The following CLRN2 variants were observed in gnomAD, a reference collection of about 807,000 sequenced individuals.
CLRN2 encodes clarin 2.
CLRN2 carries 17 observed loss-of-function variants against 20.1 expected under a neutral mutation model. The observed-to-expected ratio is 0.85, with a 90% CI of 0.58 to 1.27. The LOEUF (loss-of-function observed/expected upper bound fraction) is 1.27, where lower values mean the gene tolerates loss of function less well. Ranked by LOEUF, CLRN2 falls within the 50% of genes most tolerant of loss-of-function variation. The pLI is 0.00. For synonymous variants in CLRN2, 140 were observed against 126.9 expected, an observed-to-expected ratio of 1.10 and a Z score of -0.70; for missense variants, 288 against 299.5, an observed-to-expected ratio of 0.96 and a Z score of 0.28.
intron 1 of CLRN2, among the ~76,000 whole-genome samples, chr4:17,520,193 C>T (rs1711802233): frequency 6.6e-6 from 1 of 152,152 alleles, no homozygotes; most frequent in Non-Finnish European, 1.5e-5. Context: ...GCACTCTTTA[C>T]CACCCTCTCC....
chr4:17,524,804 T>A (rs1711937858), intron 2 of CLRN2, among the ~76,000 whole-genome samples: 1 of 151,612 alleles, frequency 6.6e-6, no homozygotes, highest in Admixed American at 6.6e-5. Flanking sequence ...GCCTGTAGTC[T>A]CAGCTGCTTG....
intron 1 of CLRN2, among the ~76,000 whole-genome samples, chr4:17,517,417 A>G (rs1258090147): frequency 1.3e-5 from 2 of 152,202 alleles, no homozygotes; most frequent in Non-Finnish European, 2.9e-5. Flanking sequence ...CTGAACCCCA[A>G]CAGGTAAATC....
At chr4:17,524,407 A>G (rs1002776181) in intron 2 of CLRN2, among the ~76,000 whole-genome samples, 3 of 152,200 alleles carry the variant, frequency 2.0e-5, no homozygotes, top group Non-Finnish European at 4.4e-5. Flanking sequence ...ATCCCTCGCT[A>G]TGATTACCTT....
Position 17,526,825 on chromosome 4 carries a change from G to T in CLRN2, c.442G>T (p.Val148Leu), listed in dbSNP as rs775419982. The T allele has an allele frequency of 6.2e-7, 1 of 1,613,816 alleles. No homozygotes were observed. Among genetic ancestry groups the T allele is most frequent in the African/African-American group, 1.3e-5 (1 of 74,946 alleles). ...ACCTTTTTGAGTTTCAGGCGGCGTCGTGGCGTTAGCCATCGCCAGCTTCGT... is the reference window on the plus strand; with the variant it reads ...ACCTTTTTGAGTTTCAGGCGGCGTCTTGGCGTTAGCCATCGCCAGCTTCGT... ...CLWNVLAGGV[V>L]ALAIASFVAA... Residue 148 changes from valine to leucine, a missense_variant, in exon 3 of 3, where the codon GTG becomes TTG. Transcript: ENST00000511148.
rs186409141 is a variant in CLRN2, at chr4:17,521,887, A to T, written c.254-977A>T. On this transcript the variant is annotated intron_variant, in intron 1 of 2. Transcript: ENST00000511148. The stretch of plus-strand genomic sequence containing the variant: ...GATAAAAAGGTGTGGGTTTTCAAGG[A>T]ACTCAGAAGATGCGTGTGACCCCCT... 1.3e-4 allele frequency among the ~76,000 whole-genome samples: 20 copies of T among 152,200 alleles called. 1 individual carries two copies. The highest frequency in any genetic ancestry group is 7.9e-4 in the Admixed American group (12 of 15,282).
chr4:17,515,592 CAT>C lies in CLRN2; in HGVS notation c.253+74_253+75del. 2.6e-6 allele frequency: 4 copies of C among 1,530,340 alleles called. No individual in the cohort carries two copies. In the Middle Eastern group the frequency reaches 6.3e-4, roughly 242 times the overall value. The allele number at this position is 1,530,340 out of a possible 1,614,324, so 94.8% of individuals were successfully genotyped here. ...TTAATGTGTAAGAGTGCTTATGTCT[CAT>C]TGTGGAATTTGGCTGCTGCCTCAAC... On this transcript the variant is annotated intron_variant, in intron 1 of 2. Coordinates refer to ENST00000511148, the MANE Select transcript of CLRN2 (RefSeq NM_001079827.2).
At chr4:17,523,587 AAAG>A (rs1350488579) in intron 2 of CLRN2, among the ~76,000 whole-genome samples, 9 of 151,938 alleles carry the variant, frequency 5.9e-5, no homozygotes, top group South Asian at 2.1e-4. Flanking sequence ...GATCGAGGTG[AAAG>A]AAGAAGCCAG....
intron 1 of CLRN2, among the ~76,000 whole-genome samples, chr4:17,515,870 C>T (rs866087471): frequency 7.2e-5 from 11 of 152,144 alleles, no homozygotes; most frequent in Non-Finnish European, 1.5e-5. Flanking sequence ...CAAAGTTATA[C>T]AGAAGGAATT....
At position 17,523,030 on chromosome 4, in the gene CLRN2, G is replaced by T. The variant is rs768302312; in HGVS notation, c.420G>T (p.Trp140Cys). ...GCGGTCCTGGGGGCATCTGCCTATGGAATGTCCTGGCAGGTAAGAAGTCCC... is the reference window on the plus strand; with the variant it reads ...GCGGTCCTGGGGGCATCTGCCTATGTAATGTCCTGGCAGGTAAGAAGTCCC... ...AVSGPGGICL[W>C]NVLAGGVVAL... The change falls in exon 2 of 3, where the codon TGG becomes TGT. Residue 140 changes from tryptophan to cysteine, a missense_variant. Transcript: ENST00000511148. 6.2e-7 allele frequency: 1 copy of T among 1,612,568 alleles called. No individual in the cohort carries two copies.
intron 1 of CLRN2, among the ~76,000 whole-genome samples, chr4:17,521,988 G>A (rs1387120982): frequency 6.6e-6 from 1 of 152,146 alleles, no homozygotes; most frequent in Non-Finnish European, 1.5e-5. Context: ...TGAAGGACGG[G>A]CTCTTTCAGG....
chr4:17,524,944 C>A, intron 2 of CLRN2, among the ~76,000 whole-genome samples: 1 of 151,490 alleles, frequency 6.6e-6, no homozygotes, highest in Admixed American at 6.6e-5. Flanking sequence ...AACCTTGTCT[C>A]AAAAAATAAA....
chr4:17,521,681 G>A (rs371209685), intron 1 of CLRN2, among the ~76,000 whole-genome samples: 7 of 152,274 alleles, frequency 4.6e-5, no homozygotes, highest in African/African-American at 1.7e-4. Flanking sequence ...AGAAAGGGAA[G>A]GCTCAGATTT....
intron 1 of CLRN2, among the ~76,000 whole-genome samples, chr4:17,517,186 T>C (rs1399937769): frequency 6.6e-6 from 1 of 152,234 alleles, no homozygotes; most frequent in Admixed American, 6.5e-5. Flanking sequence ...GACTTTAGTC[T>C]TTCTTCCTGT....
intron 1 of CLRN2, among the ~76,000 whole-genome samples, chr4:17,517,297 C>G (rs7661303): frequency 6.6e-6 from 1 of 152,004 alleles, no homozygotes; most frequent in South Asian, 2.1e-4. Context: ...AGAACAACCT[C>G]ATCCTGTGCT....
Position 17,515,370 on chromosome 4 carries a change from G to A in CLRN2, c.104G>A (p.Ser35Asn). The change falls in exon 1 of 3, where the codon AGT (serine) becomes AAT (asparagine). Residue 35 changes from serine to asparagine, a missense_variant. By Grantham distance (46) the Ser-to-Asn change is conservative. Coordinates refer to ENST00000511148, the MANE Select transcript of CLRN2 (RefSeq NM_001079827.2). ...GCCCTGGTAGTGCCCCACTGGCTGAGTGGGAAAATCCTTTGTCAGACTGGA... is the reference window on the plus strand; with the variant it reads ...GCCCTGGTAGTGCCCCACTGGCTGAATGGGAAAATCCTTTGTCAGACTGGA... ...IVALVVPHWL[S>N]GKILCQTGVD... The A allele has an allele frequency of 6.2e-7, 1 of 1,614,024 alleles. No homozygotes were observed. Among genetic ancestry groups the A allele is most frequent in the South Asian group, 1.1e-5 (1 of 91,082 alleles).
At chr4:17,516,855 C>T (rs1711688021) in intron 1 of CLRN2, among the ~76,000 whole-genome samples, 1 of 152,160 alleles carries the variant, frequency 6.6e-6, no homozygotes, top group Non-Finnish European at 1.5e-5. Flanking sequence ...GAAAACTTCC[C>T]CTTTGCACTC....
intron 1 of CLRN2, among the ~76,000 whole-genome samples, chr4:17,519,209 A>T (rs1395358802): frequency 6.6e-6 from 1 of 152,064 alleles, no homozygotes; most frequent in African/African-American, 2.4e-5. Context: ...TCATATGCTG[A>T]TAGATGCTGA....
At chr4:17,520,343 C>T (rs1018681419) in intron 1 of CLRN2, among the ~76,000 whole-genome samples, 1 of 152,112 alleles carries the variant, frequency 6.6e-6, no homozygotes, top group African/African-American at 2.4e-5. Flanking sequence ...GAATTATATA[C>T]ATTATGGACA....
intron 1 of CLRN2, among the ~76,000 whole-genome samples, chr4:17,520,078 G>A (rs1268719899): frequency 1.3e-5 from 2 of 152,138 alleles, no homozygotes; most frequent in African/African-American, 4.8e-5. Context: ...CCTGAGCCCT[G>A]TGTTATGGCC....
Sources: gnomAD v4.1 joint callset for allele counts (sites outside exome capture counted in the v4.1 genomes callset) on GRCh38, gnomAD v4.1.1 for gene constraint, MANE v1.5 for transcripts, NCBI Gene and HGNC (gene_info 2026-07-23, HGNC 2026-07-21) for gene names.